The following LCP1 variants were observed in gnomAD, a reference collection of about 807,000 sequenced individuals.
The protein encoded by LCP1 is plastin-2.
LCP1 carries 23 observed loss-of-function variants against 72.0 expected under a neutral mutation model. The observed-to-expected ratio is 0.32, with a 90% CI of 0.23 to 0.45. The LOEUF (loss-of-function observed/expected upper bound fraction) is 0.45. Among genes scored for constraint, LCP1 ranks in the 20% least tolerant of loss-of-function variants. The pLI is 1.00. For synonymous variants in LCP1, 245 were observed against 275.4 expected (o/e 0.89, Z 1.09); for missense variants, 571 against 748.3 (o/e 0.76, Z 2.76).
chr13:46,169,092 T>A (rs1160260868), intron 1 of LCP1, among the ~76,000 whole-genome samples: 1 of 152,214 alleles, frequency 6.6e-6, no homozygotes, highest in Non-Finnish European at 1.5e-5. Flanking sequence ...AGGACATGCC[T>A]AACATCACAG....
At chr13:46,159,487 T>C (rs1482844460) in intron 2 of LCP1, 112 bp downstream of exon 2, 3 of 813,636 alleles carry the variant, frequency 3.7e-6, no homozygotes, top group Middle Eastern at 2.3e-4. Flanking sequence ...CAAATACTAC[T>C]GGTTTCTTGT....
Position 46,159,394 on chromosome 13 carries a change from G to A in LCP1, c.64+205C>T, listed in dbSNP as rs1003108112. Reference sequence around the variant, plus strand: ...TCCAGGAACAAACTATGTAAGAGTAGAGTCCATATTCCATGTTTTGATAGA... The same window carrying A: ...TCCAGGAACAAACTATGTAAGAGTAAAGTCCATATTCCATGTTTTGATAGA... On this transcript the variant is annotated intron_variant, in intron 2 of 15. Transcript: ENST00000323076. 25 of 582,738 alleles carry A rather than the reference G, an allele frequency of 4.3e-5. No homozygotes were observed. The African/African-American group carries it at 4.3e-4, about 10-fold the overall frequency. 36.1% of individuals were successfully genotyped at this position (582,738 alleles called of 1,614,324 possible). A position where few individuals can be genotyped will look rare whatever the true frequency, so the allele number is the denominator to read the frequency against.
rs549812780 is a variant in LCP1 at position 46,131,748 on chromosome 13, A to C, written c.1627-810T>G. Reference sequence around the variant, plus strand: ...AGGCCATTATCCTAAGTGAATTAATACAGTAACAGAAAACCAAATACTGCA... The same window carrying C: ...AGGCCATTATCCTAAGTGAATTAATCCAGTAACAGAAAACCAAATACTGCA... On this transcript the variant is annotated intron_variant, in intron 14 of 15. Coordinates refer to ENST00000323076, the MANE Select transcript of LCP1 (RefSeq NM_002298.5). Among the ~76,000 whole-genome samples, 9 of 152,304 alleles carry C rather than the reference A, an allele frequency of 5.9e-5. No homozygotes were observed. The East Asian group carries it at 1.7e-3, about 29-fold the overall frequency.
intron 1 of LCP1, among the ~76,000 whole-genome samples, chr13:46,176,612 T>C (rs1360744107): frequency 6.6e-6 from 1 of 152,190 alleles, no homozygotes; most frequent in South Asian, 2.1e-4. Context: ...ACTACCAGAC[T>C]GAGGAAACAA....
At chr13:46,156,601 G>A (rs563352106) in intron 4 of LCP1, 31 bp from the exon 5 acceptor site, 2 of 1,613,220 alleles carry the variant, frequency 1.2e-6, no homozygotes, top group South Asian at 1.1e-5. Flanking sequence ...TGACTCATTT[G>A]CAAAGTGAAA....
chr13:46,158,763 T>C, intron 3 of LCP1, 63 bp downstream of exon 3: 1 of 1,603,346 alleles, frequency 6.2e-7, no homozygotes, highest in Non-Finnish European at 8.5e-7. Flanking sequence ...CTGGATATTT[T>C]TTAAAACAGA....
At chr13:46,171,743 T>C (rs1310915412) in intron 1 of LCP1, among the ~76,000 whole-genome samples, 1 of 152,238 alleles carries the variant, frequency 6.6e-6, no homozygotes. Flanking sequence ...TTAAAGATAT[T>C]ATTTGCATGG....
At chr13:46,138,017 G>T (rs2045674883) in intron 13 of LCP1, among the ~76,000 whole-genome samples, 1 of 152,204 alleles carries the variant, frequency 6.6e-6, no homozygotes, top group Non-Finnish European at 1.5e-5. Flanking sequence ...TTGACCTGGG[G>T]AGAGTTTCCT....
Position 46,158,987 on chromosome 13 carries a change from T to G in LCP1, c.67A>C (p.Thr23Pro). The G allele has an allele frequency of 6.2e-7, 1 of 1,613,956 alleles. No individual in the cohort carries two copies. Among genetic ancestry groups the G allele is most frequent in the East Asian group, 2.2e-5 (1 of 44,882 alleles). The stretch of plus-strand genomic sequence containing the variant: ...AAGCTGATGTATCCATTGCCATCAG[T>G]ATCTGTAATGTACACAATATACTGA... ...ELREAFAKVD[T>P]DGNGYISFNE... The change falls in exon 3 of 16, where the codon ACT (threonine) becomes CCT (proline). Residue 23 changes from threonine (T) to proline (P), a missense_variant and splice_region_variant. Thr to Pro is a conservative substitution (Grantham distance 38). Transcript: ENST00000323076.
chr13:46,173,208 T>C (rs2045912776), intron 1 of LCP1, among the ~76,000 whole-genome samples: 1 of 152,198 alleles, frequency 6.6e-6, no homozygotes, highest in Non-Finnish European at 1.5e-5. Flanking sequence ...TGACATGGTA[T>C]GGTGAAATGC....
chr13:46,146,469 TG>T (rs1483361348), intron 10 of LCP1, among the ~76,000 whole-genome samples: 2 of 152,212 alleles, frequency 1.3e-5, no homozygotes, highest in Non-Finnish European at 2.9e-5. Flanking sequence ...TACTTTTCTG[TG>T]GCTCCCGTAA....
At chr13:46,136,148 C>A (rs1283340026) in intron 13 of LCP1, among the ~76,000 whole-genome samples, 1 of 151,642 alleles carries the variant, frequency 6.6e-6, no homozygotes, top group Non-Finnish European at 1.5e-5. Context: ...ACAGAACCAT[C>A]AGCAGCTCCC....
intron 1 of LCP1, among the ~76,000 whole-genome samples, chr13:46,178,801 T>C (rs2045943474): frequency 6.6e-6 from 1 of 152,216 alleles, no homozygotes; most frequent in Non-Finnish European, 1.5e-5. Flanking sequence ...AAATCTACTA[T>C]TAGTAATAAA....
chr13:46,130,744 G>A, intron 15 of LCP1, 70 bp downstream of exon 15: 2 of 1,568,304 alleles, frequency 1.3e-6, no homozygotes, highest in South Asian at 2.3e-5. Context: ...ATGAGCATTA[G>A]ACTTTACAAC....
chr13:46,156,280 T>C (rs2045800518), intron 5 of LCP1, among the ~76,000 whole-genome samples, 158 bp downstream of exon 5: 1 of 152,208 alleles, frequency 6.6e-6, no homozygotes, highest in South Asian at 2.1e-4. Flanking sequence ...TTTTTGAATT[T>C]AGTTTGCTGT....
chr13:46,179,452 C>G (rs1191070895), intron 1 of LCP1, among the ~76,000 whole-genome samples: 3 of 152,096 alleles, frequency 2.0e-5, no homozygotes, highest in Non-Finnish European at 4.4e-5. Flanking sequence ...GGAGAAGGAG[C>G]TCAGGTCTGT....
rs905394178 is a variant in LCP1, at chr13:46,148,109, T to C, written c.978+243A>G. 5.3e-5 allele frequency among the ~76,000 whole-genome samples: 8 copies of C among 152,232 alleles called. No individual in the cohort carries two copies. In the East Asian group the frequency reaches 1.5e-3, roughly 29 times the overall value. On this transcript the variant is annotated intron_variant, in intron 9 of 15. Coordinates refer to ENST00000323076, the MANE Select transcript of LCP1 (RefSeq NM_002298.5). ...GAGTCTACTAAATGATGAACATATA[T>C]AGAATTGCCTAGCATGCTGGATGGT...
rs11842420 is a variant in LCP1 at position 46,132,807 on chromosome 13, C to T, written c.1626+1320G>A. Among the ~76,000 whole-genome samples, 938 of 152,222 alleles carry T rather than the reference C, an allele frequency of 6.2e-3. 11 individuals are homozygous for T. Among genetic ancestry groups the T allele is most frequent in the South Asian group, 0.033 (161 of 4,812 alleles). The stretch of plus-strand genomic sequence containing the variant: ...AGCTCACAGCAGGTGGACACTCCTG[C>T]GACAGCCCTGCCCTGACAATATCTT... On this transcript the variant is annotated intron_variant, in intron 14 of 15. Transcript: ENST00000323076.
rs777499149 is a variant in LCP1, at chr13:46,127,616, A to T, written c.1859T>A (p.Met620Lys). 5 of 1,613,990 alleles carry T rather than the reference A, an allele frequency of 3.1e-6. No homozygotes were observed. The highest frequency in any genetic ancestry group is 4.2e-6 in the Non-Finnish European group (5 of 1,180,014). The change falls in exon 16 of 16, where the codon ATG (methionine) becomes AAG (lysine). Residue 620 changes from methionine (M) to lysine (K), a missense_variant. Transcript: ENST00000323076. ...TCACACCCTCTTCATTCCTTTCCCC[A>T]TGAGGCAGGCAAACACGGTCATGAC... is the stretch of plus-strand genomic sequence containing the variant. ...KMVMTVFACL[M>K]GKGMKRV is the part of the protein sequence containing the mutation.
Sources: gnomAD v4.1 joint callset for allele counts (sites outside exome capture counted in the v4.1 genomes callset) on GRCh38, gnomAD v4.1.1 for gene constraint, MANE v1.5 for transcripts, NCBI Gene and HGNC (gene_info 2026-07-23, HGNC 2026-07-21) for gene names.